Variants in QTMAN observed in about 807,000 individuals in gnomAD.
QTMAN encodes tRNA-queuosine alpha-mannosyltransferase.
chr2:144,022,720 C>T, the QTMAN span, among the ~76,000 whole-genome samples: 6 of 152,058 alleles, frequency 3.9e-5, no homozygotes, highest in Non-Finnish European at 8.8e-5. Context: ...CACGCCACTG[C>T]GTCCAGCTAA....
At chr2:144,144,782 G>A in the QTMAN span, among the ~76,000 whole-genome samples, 2 of 151,818 alleles carry the variant, frequency 1.3e-5, no homozygotes, top group Non-Finnish European at 2.9e-5. Flanking sequence ...AGAATTGCGG[G>A]TCTGTTCAAA....
chr2:144,005,441 G>T, the QTMAN span, among the ~76,000 whole-genome samples: 1 of 151,966 alleles, frequency 6.6e-6, no homozygotes, highest in Non-Finnish European at 1.5e-5. Flanking sequence ...CTTCTACCTT[G>T]TATGTCCCCA....
At chr2:143,972,834 CTTA>C in the QTMAN span, among the ~76,000 whole-genome samples, 1 of 152,118 alleles carries the variant, frequency 6.6e-6, no homozygotes. Flanking sequence ...TAAAGTCTCT[CTTA>C]TTAATACCAG....
At chr2:144,097,911 ACT>A in the QTMAN span, among the ~76,000 whole-genome samples, 1 of 151,610 alleles carries the variant, frequency 6.6e-6, no homozygotes, top group Admixed American at 6.6e-5. Flanking sequence ...ATATTTCAAG[ACT>A]CTCTAGTTTT....
chr2:144,208,760 C>T, the QTMAN span: 2 of 1,613,146 alleles, frequency 1.2e-6, no homozygotes, highest in East Asian at 4.5e-5. Context: ...CCATAGAATG[C>T]TTCAATGATG....
chr2:144,287,164 C>T, the QTMAN span, among the ~76,000 whole-genome samples: 2 of 152,136 alleles, frequency 1.3e-5, no homozygotes, highest in African/African-American at 2.4e-5. Flanking sequence ...TGGCCGGGCA[C>T]GGTGGCTCAC....
chr2:144,273,517 A>G, the QTMAN span, among the ~76,000 whole-genome samples: 5 of 152,134 alleles, frequency 3.3e-5, no homozygotes, highest in Non-Finnish European at 7.4e-5. Flanking sequence ...AGGACTCAAA[A>G]AGCCCAATCA....
At chr2:144,072,226 G>A in the QTMAN span, among the ~76,000 whole-genome samples, 9 of 152,018 alleles carry the variant, frequency 5.9e-5, no homozygotes, top group African/African-American at 9.7e-5. Flanking sequence ...ATAGGAATCC[G>A]ATGCCCAGAA....
At chr2:143,990,382 G>T in the QTMAN span, among the ~76,000 whole-genome samples, 1 of 152,182 alleles carries the variant, frequency 6.6e-6, no homozygotes, top group East Asian at 1.9e-4. Context: ...ATGACATGAA[G>T]AAGGTAATGG....
At chr2:144,016,961 G>A in the QTMAN span, among the ~76,000 whole-genome samples, 1 of 151,186 alleles carries the variant, frequency 6.6e-6, no homozygotes, top group African/African-American at 2.4e-5. Flanking sequence ...AAAATTTGGG[G>A]AATAAAAAGG....
At chr2:144,038,743 T>C in the QTMAN span, among the ~76,000 whole-genome samples, 1 of 152,218 alleles carries the variant, frequency 6.6e-6, no homozygotes, top group Non-Finnish European at 1.5e-5. Context: ...TGATGTTGTA[T>C]ATGAAATTTA....
the QTMAN span, among the ~76,000 whole-genome samples, chr2:144,041,912 A>T: frequency 2.0e-4 from 30 of 152,286 alleles, no homozygotes; most frequent in South Asian, 6.0e-3. Flanking sequence ...TAGCAGGGGC[A>T]GGATTTTACT....
the QTMAN span, among the ~76,000 whole-genome samples, chr2:144,319,010 T>C: frequency 2.0e-5 from 3 of 152,206 alleles, no homozygotes; most frequent in Non-Finnish European, 4.4e-5. Context: ...GATGTTCCAA[T>C]TTCTTCTGAT....
the QTMAN span, among the ~76,000 whole-genome samples, chr2:144,284,462 A>G: frequency 6.6e-6 from 1 of 152,234 alleles, no homozygotes; most frequent in African/African-American, 2.4e-5. Flanking sequence ...GATCTTGACC[A>G]TGGATGGCTA....
At chr2:144,292,461 G>A in the QTMAN span, among the ~76,000 whole-genome samples, 1 of 151,662 alleles carries the variant, frequency 6.6e-6, no homozygotes, top group Non-Finnish European at 1.5e-5. Flanking sequence ...TTTTATTTGT[G>A]CTTCTCTTAC....
the QTMAN span, among the ~76,000 whole-genome samples, chr2:144,094,450 T>C: frequency 1.3e-5 from 2 of 152,184 alleles, no homozygotes; most frequent in Non-Finnish European, 2.9e-5. Context: ...TAATTTCTTT[T>C]AAGAAGAGGT....
the QTMAN span, among the ~76,000 whole-genome samples, chr2:144,233,839 T>C: frequency 6.6e-6 from 1 of 152,044 alleles, no homozygotes; most frequent in Non-Finnish European, 1.5e-5. Flanking sequence ...CTGTCAACAG[T>C]TTAAAAACCA....
chr2:144,182,799 T>G, the QTMAN span, among the ~76,000 whole-genome samples: 6 of 13,402 alleles, frequency 4.5e-4, 1 homozygote, highest in South Asian at 0.015. Flanking sequence ...ATATATATAT[T>G]ATATATATAA....
chr2:144,147,325 A>G, the QTMAN span, among the ~76,000 whole-genome samples: 1 of 151,682 alleles, frequency 6.6e-6, no homozygotes, highest in East Asian at 1.9e-4. Context: ...TCTATACCCA[A>G]ATAAAAAAAA....
Sources: allele counts gnomAD v4.1 joint callset (sites outside exome capture counted in the v4.1 genomes callset), GRCh38; gene constraint gnomAD v4.1.1; transcripts MANE v1.5; gene names NCBI Gene and HGNC (gene_info 2026-07-23, HGNC 2026-07-21).